SEC31A: variants seen among roughly 807,000 people sequenced by gnomAD.
The protein encoded by SEC31A is SEC31 homolog A, COPII component, also known as protein transport protein Sec31A.
A neutral mutation model predicts 151.0 loss-of-function variants in SEC31A; 70 were observed. That is an observed-to-expected ratio of 0.46 (90% CI 0.38 to 0.57). The LOEUF is 0.57. Ranked by LOEUF, SEC31A falls within the 20% of genes least tolerant of loss-of-function variation. The pLI is 0.00. For synonymous variants in SEC31A, 475 were observed against 505.9 expected, an observed-to-expected ratio of 0.94 and a Z score of 0.82; for missense variants, 1,330 against 1,471.2, an observed-to-expected ratio of 0.90 and a Z score of 1.57.
At chr4:82,876,107 CTTTTTTTT>C (rs200156848) in intron 4 of SEC31A, among the ~76,000 whole-genome samples, 4 of 127,214 alleles carry the variant, frequency 3.1e-5, no homozygotes, top group Non-Finnish European at 3.4e-5. Context: ...TGGATAAATT[CTTTTTTTT>C]TTTTTTTTTT....
intron 25 of SEC31A, among the ~76,000 whole-genome samples, chr4:82,823,270 G>A (rs544445689): frequency 1.3e-5 from 2 of 151,830 alleles, no homozygotes; most frequent in South Asian, 4.1e-4. Flanking sequence ...GAATTGGTGT[G>A]TTGTCATTCT....
At chr4:82,884,272 A>G (rs1335177359) in intron 1 of SEC31A, among the ~76,000 whole-genome samples, 1 of 152,060 alleles carries the variant, frequency 6.6e-6, no homozygotes. Context: ...TACAGGGGTG[A>G]GCCACTGCGC....
chr4:82,850,258 C>T (rs1394520231), intron 19 of SEC31A, among the ~76,000 whole-genome samples: 1 of 151,994 alleles, frequency 6.6e-6, no homozygotes, highest in African/African-American at 2.4e-5. Flanking sequence ...CTCAATATAA[C>T]TATTTACTTA....
intron 18 of SEC31A, 52 bp downstream of exon 18, chr4:82,853,518 A>G: frequency 7.1e-7 from 1 of 1,416,252 alleles, no homozygotes; most frequent in Non-Finnish European, 9.5e-7. Flanking sequence ...GATGATAAGT[A>G]GGGTGAAAGA....
intron 17 of SEC31A, among the ~76,000 whole-genome samples, chr4:82,854,065 T>C (rs901948466): frequency 2.0e-5 from 3 of 152,186 alleles, no homozygotes; most frequent in African/African-American, 7.2e-5. Context: ...ATAAATTACT[T>C]ATAAAAATGC....
chr4:82,818,611 T>A lies in SEC31A; in HGVS notation c.*463A>T, dbSNP rs899394210. 1 of 152,188 alleles carries A rather than the reference T, an allele frequency of 6.6e-6. No individual in the cohort carries two copies. 9.4% of individuals were successfully genotyped at this position (152,188 alleles called of 1,614,324 possible). On this transcript the variant is annotated 3_prime_UTR_variant, in exon 27 of 27. Transcript: ENST00000395310. ...CTCAGGAATCCTAAGACACAAAAAA[T>A]AAACTAAATTTTAAGCAGCTGTTTC...
At chr4:82,860,617 C>A (rs1733901513) in intron 14 of SEC31A, among the ~76,000 whole-genome samples, 1 of 151,634 alleles carries the variant, frequency 6.6e-6, no homozygotes, top group Non-Finnish European at 1.5e-5. Flanking sequence ...GGACTACAGG[C>A]ATGTGCCACC....
chr4:82,861,548 G>T, intron 14 of SEC31A, 83 bp downstream of exon 14: 1 of 827,102 alleles, frequency 1.2e-6, no homozygotes, highest in Non-Finnish European at 2.0e-6. Flanking sequence ...GCCATAAGTA[G>T]TCAAGAAAAT....
At position 82,874,693 on chromosome 4, in the gene SEC31A, G is replaced by T. The variant is rs760483691; in HGVS notation, c.557C>A (p.Ser186Ter). The T allele has an allele frequency of 6.2e-7, 1 of 1,613,182 alleles. No homozygotes were observed. Among genetic ancestry groups the T allele is most frequent in the Admixed American group, 1.7e-5 (1 of 59,596 alleles). The change falls in exon 6 of 27, where the codon TCA becomes TAA. Residue 186 changes from serine (S) to a stop codon, truncating the protein, a stop_gained. Transcript: ENST00000395310. LOFTEE classifies it high-confidence loss of function. The part of the protein sequence containing the change: ...WNRQVQHILA[S>*]ASPSGRATVW... ...AGTGGCCCGGCCACTGGGACTGGCT[G>T]ATGCTAAAATATGCTGAACTTGTCT...
At chr4:82,880,647 T>A in intron 3 of SEC31A, 152 bp downstream of exon 3, 1 of 631,040 alleles carries the variant, frequency 1.6e-6, no homozygotes, top group Non-Finnish European at 2.5e-6. Flanking sequence ...TTTACTTCCA[T>A]AAAAATTCAC....
At chr4:82,849,264 T>C (rs1052454518) in intron 19 of SEC31A, among the ~76,000 whole-genome samples, 1 of 152,160 alleles carries the variant, frequency 6.6e-6, no homozygotes, top group African/African-American at 2.4e-5. Flanking sequence ...TTATTACTAC[T>C]CTTTTGATGT....
intron 10 of SEC31A, among the ~76,000 whole-genome samples, 180 bp downstream of exon 10, chr4:82,866,626 AAG>A (rs970266790): frequency 9.8e-5 from 15 of 152,368 alleles, no homozygotes; most frequent in Admixed American, 9.8e-4. Context: ...ATTTTTAAAA[AAG>A]GGAAAAAAAA....
rs529705202 is a variant in SEC31A at position 82,823,715 on chromosome 4, C to T, written c.3411+840G>A. On this transcript the variant is annotated intron_variant, in intron 25 of 26. Coordinates refer to ENST00000395310, the MANE Select transcript of SEC31A (RefSeq NM_001077207.4). Reference sequence around the variant, plus strand: ...GTTGCTTTAAATGTAAATATGCCTCCGATATCTAAAACATTTAACTATCTT... The same window carrying T: ...GTTGCTTTAAATGTAAATATGCCTCTGATATCTAAAACATTTAACTATCTT... Among the ~76,000 whole-genome samples, 13 of 152,226 alleles carry T rather than the reference C, an allele frequency of 8.5e-5. No homozygotes were observed. In the South Asian group the frequency reaches 1.9e-3, roughly 22 times the overall value.
intron 1 of SEC31A, chr4:82,890,823 C>T: frequency 7.6e-7 from 1 of 1,320,610 alleles, no homozygotes; most frequent in Non-Finnish European, 9.7e-7. Context: ...TACTCCCCGG[C>T]AAGACACTGT....
intron 14 of SEC31A, among the ~76,000 whole-genome samples, chr4:82,859,805 T>G (rs1733665696): frequency 6.6e-6 from 1 of 151,854 alleles, no homozygotes. Context: ...TTTTTTTTTT[T>G]TTTTGAGACA....
chr4:82,872,691 A>G (rs1736998096), intron 6 of SEC31A, among the ~76,000 whole-genome samples: 1 of 152,102 alleles, frequency 6.6e-6, no homozygotes. Flanking sequence ...AAGTTTAGAG[A>G]AAACATTTCA....
At chr4:82,838,958 C>T (rs1476771536) in intron 22 of SEC31A, among the ~76,000 whole-genome samples, 1 of 152,094 alleles carries the variant, frequency 6.6e-6, no homozygotes. Flanking sequence ...TAAGACATAT[C>T]GGAACGACAA....
chr4:82,897,718 GAC>G (rs1472904416), intron 3 of SEC31A: 1 of 152,044 alleles, frequency 6.6e-6, no homozygotes, highest in African/African-American at 2.4e-5. Context: ...CAGCCTGGGT[GAC>G]AGAGTGAGAC....
Position 82,857,022 on chromosome 4 carries a change from G to C in SEC31A, c.1811C>G (p.Ala604Gly). 2 of 1,613,882 alleles carry C rather than the reference G, an allele frequency of 1.2e-6. No individual in the cohort carries two copies. Among genetic ancestry groups the C allele is most frequent in the Non-Finnish European group, 1.7e-6 (2 of 1,179,952 alleles). Residue 604 changes from alanine to glycine, a missense_variant, in exon 16 of 27, where the codon GCA becomes GGA. Coordinates refer to ENST00000395310, the MANE Select transcript of SEC31A (RefSeq NM_001077207.4). ...TCGAGCCAAGAGTTCTTGTCCACCT[G>C]CTATGGCCAATATAATGGCATCGGC... ...RMADAIILAI[A>G]GGQELLARTQ...
Sources: gnomAD v4.1 joint callset for allele counts (sites outside exome capture counted in the v4.1 genomes callset) on GRCh38, gnomAD v4.1.1 for gene constraint, MANE v1.5 for transcripts, NCBI Gene and HGNC (gene_info 2026-07-23, HGNC 2026-07-21) for gene names.